The following PHF20L1 variants were observed in gnomAD, a reference collection of about 807,000 sequenced individuals.
PHF20L1 encodes the protein PHD finger protein 20-like protein 1.
A neutral mutation model predicts 125.5 loss-of-function variants in PHF20L1; 44 were observed. The observed-to-expected ratio is 0.35, with a 90% CI of 0.28 to 0.45. The LOEUF (loss-of-function observed/expected upper bound fraction) is 0.45, where lower values mean the gene tolerates loss of function less well. Among genes scored for constraint, PHF20L1 ranks in the 20% least tolerant of loss-of-function variants. The probability of loss-of-function intolerance (pLI) is 1.00; values close to 1 mark genes in which losing one functional copy is unlikely to be tolerated. For synonymous variants in PHF20L1, 380 were observed against 403.1 expected (o/e 0.94, Z 0.69); for missense variants, 1,012 against 1,217.2 (o/e 0.83, Z 2.51).
At chr8:132,813,953 G>C (rs961268788) in intron 9 of PHF20L1, among the ~76,000 whole-genome samples, 1 of 150,900 alleles carries the variant, frequency 6.6e-6, no homozygotes, top group Non-Finnish European at 1.5e-5. Flanking sequence ...TAAATCCAAT[G>C]TTTTTAACTT....
At position 132,811,003 on chromosome 8, in the gene PHF20L1, A is replaced by G. The variant is rs201129811; in HGVS notation, c.848-43A>G. On this transcript the variant is annotated intron_variant, in intron 8 of 20. Coordinates refer to ENST00000395386, the MANE Select transcript of PHF20L1 (RefSeq NM_016018.5). Reference sequence around the variant, plus strand: ...TGCAAAGTTAATTAGGGTGTAAATCAGTATTTTTTCTAATAAGCAATTTCT... The same window carrying G: ...TGCAAAGTTAATTAGGGTGTAAATCGGTATTTTTTCTAATAAGCAATTTCT... The G allele has an allele frequency of 5.9e-5, 71 of 1,207,518 alleles. No homozygotes were observed. The Middle Eastern group carries it at 2.6e-3, about 45-fold the overall frequency. 74.8% of individuals were successfully genotyped at this position (1,207,518 alleles called of 1,614,324 possible).
At chr8:132,815,482 A>G (rs955417414) in intron 10 of PHF20L1, 1 of 151,940 alleles carries the variant, frequency 6.6e-6, no homozygotes, top group African/African-American at 2.4e-5. Flanking sequence ...CTGTATATAT[A>G]AATAATACAA....
chr8:132,842,926 G>A (rs1178651668), intron 19 of PHF20L1, 51 bp downstream of exon 19: 6 of 1,518,214 alleles, frequency 4.0e-6, no homozygotes, highest in Non-Finnish European at 5.3e-6. Context: ...GAAGAACAAA[G>A]GAAAATTTTA....
Position 132,836,574 on chromosome 8 carries a change from A to T in PHF20L1, c.1944A>T (p.Ser648=), listed in dbSNP as rs1563849301. The T allele has an allele frequency of 1.9e-6, 3 of 1,612,040 alleles. No homozygotes were observed. The highest frequency in any genetic ancestry group is 2.5e-6 in the Non-Finnish European group (3 of 1,178,452). The part of the protein sequence containing the change: ...LSDVDFLDDS[S]TESLLLSGDE... ...ATGTAGACTTCCTAGATGATTCTTC[A>T]ACGGAGAGTTTGCTTCTGAGTGGGG... The change falls in exon 16 of 21, where the codon TCA becomes TCT. Residue 648 remains serine, a synonymous_variant. Coordinates refer to ENST00000395386, the MANE Select transcript of PHF20L1 (RefSeq NM_016018.5).
At position 132,816,974 on chromosome 8, in the gene PHF20L1, C is replaced by G; in HGVS notation, c.1270C>G (p.Pro424Ala). The G allele has an allele frequency of 6.2e-7, 1 of 1,610,936 alleles. No individual in the cohort carries two copies. Among genetic ancestry groups the G allele is most frequent in the Non-Finnish European group, 8.5e-7 (1 of 1,177,858 alleles). The change falls in exon 11 of 21, where the codon CCT becomes GCT. Residue 424 changes from proline (P) to alanine (A), a missense_variant. Coordinates refer to ENST00000395386, the MANE Select transcript of PHF20L1 (RefSeq NM_016018.5). The part of the protein sequence containing the change: ...RSQRLATLPM[P>A]DDSVEKVSSP... ...TCAGCGTTTAGCCACCTTACCCATG[C>G]CTGATGATTCTGTAGAAAAGGTTTC...
At chr8:132,842,297 A>G (rs940312554) in intron 18 of PHF20L1, 1 of 417,752 alleles carries the variant, frequency 2.4e-6, no homozygotes, top group Non-Finnish European at 4.2e-6. Context: ...TATCAACACA[A>G]TTAAATTTGT....
intron 15 of PHF20L1, among the ~76,000 whole-genome samples, chr8:132,835,316 G>T (rs1052752604): frequency 6.6e-6 from 1 of 152,100 alleles, no homozygotes; most frequent in African/African-American, 2.4e-5. Context: ...TAGGATGTGA[G>T]GTAGGAAGGT....
intron 8 of PHF20L1, 27 bp downstream of exon 8, chr8:132,804,767 G>A (rs1427148799): frequency 1.9e-6 from 3 of 1,555,886 alleles, no homozygotes; most frequent in East Asian, 2.3e-5. Context: ...TTTTTTTTGA[G>A]GGGGGGAAAT....
chr8:132,803,108 A>G (rs1016250916), intron 6 of PHF20L1, among the ~76,000 whole-genome samples: 1 of 151,820 alleles, frequency 6.6e-6, no homozygotes, highest in African/African-American at 2.4e-5. Flanking sequence ...CACAGGAAAA[A>G]TAAATATTTG....
chr8:132,824,027 G>T lies in PHF20L1; in HGVS notation c.1603G>T (p.Val535Leu). 6.2e-7 allele frequency: 1 copy of T among 1,600,900 alleles called. No homozygotes were observed. The highest frequency in any genetic ancestry group is 8.5e-7 in the Non-Finnish European group (1 of 1,170,656). The change falls in exon 13 of 21, where the codon GTG (valine) becomes TTG (leucine). Residue 535 changes from valine to leucine, a missense_variant. Val to Leu is a conservative substitution (Grantham distance 32). Transcript: ENST00000395386. Reference sequence around the variant, plus strand: ...AGGAATATCGAAAACAGAAAAAAAAGTGAAATTGGAAGACAAAAGCTCAAC... The same window carrying T: ...AGGAATATCGAAAACAGAAAAAAAATTGAAATTGGAAGACAAAAGCTCAAC... ...AAGISKTEKKVKLEDKSSTAF... is the reference protein window; with the variant it reads ...AAGISKTEKKLKLEDKSSTAF...
chr8:132,828,504 A>G (rs978471318), intron 14 of PHF20L1, among the ~76,000 whole-genome samples: 5 of 152,158 alleles, frequency 3.3e-5, no homozygotes, highest in Admixed American at 1.3e-4. Context: ...CTTCTCTTCA[A>G]CAAGTTTTTA....
intron 2 of PHF20L1, among the ~76,000 whole-genome samples, chr8:132,785,227 A>G (rs531578559): frequency 3.9e-5 from 6 of 152,280 alleles, no homozygotes; most frequent in Non-Finnish European, 7.4e-5. Flanking sequence ...GTTATTATGT[A>G]TTATGAGATT....
At chr8:132,782,962 A>G (rs997646644) in intron 2 of PHF20L1, among the ~76,000 whole-genome samples, 4 of 152,058 alleles carry the variant, frequency 2.6e-5, no homozygotes, top group Non-Finnish European at 5.9e-5. Flanking sequence ...AAAGTATCTA[A>G]TCATTCTGAA....
chr8:132,777,997 G>A, intron 2 of PHF20L1, 86 bp downstream of exon 2: 1 of 823,642 alleles, frequency 1.2e-6, no homozygotes, highest in Non-Finnish European at 2.1e-6. Flanking sequence ...TCCACTGATG[G>A]TAGCAGAAAC....
At chr8:132,837,176 T>G (rs1182098632) in intron 16 of PHF20L1, among the ~76,000 whole-genome samples, 1 of 151,872 alleles carries the variant, frequency 6.6e-6, no homozygotes, top group Non-Finnish European at 1.5e-5. Context: ...AAAGATATCT[T>G]TAAGATAAAA....
At chr8:132,808,661 A>C (rs1834009755) in intron 8 of PHF20L1, 1 of 152,078 alleles carries the variant, frequency 6.6e-6, no homozygotes, top group African/African-American at 2.4e-5. Context: ...TAATGAATGT[A>C]GCTTTAAATG....
chr8:132,824,805 G>A, intron 13 of PHF20L1: 1 of 199,502 alleles, frequency 5.0e-6, no homozygotes, highest in Non-Finnish European at 1.1e-5. Context: ...GACTGGAGGA[G>A]TTGTTTATGA....
chr8:132,801,084 T>A (rs191143159), intron 6 of PHF20L1, among the ~76,000 whole-genome samples: 86 of 151,820 alleles, frequency 5.7e-4, no homozygotes, highest in African/African-American at 2.0e-3. Flanking sequence ...TCCTTCTGGT[T>A]TTCTACCCTA....
At chr8:132,813,313 C>A (rs909298364) in intron 9 of PHF20L1, 1 of 160,452 alleles carries the variant, frequency 6.2e-6, no homozygotes, top group Non-Finnish European at 1.3e-5. Flanking sequence ...TGAGTAAATT[C>A]AATAATAGAA....
Sources: allele counts gnomAD v4.1 joint callset (sites outside exome capture counted in the v4.1 genomes callset), GRCh38; gene constraint gnomAD v4.1.1; transcripts MANE v1.5; gene names NCBI Gene and HGNC (gene_info 2026-07-23, HGNC 2026-07-21).